FAM135A: variants seen among roughly 807,000 people sequenced by gnomAD.
FAM135A encodes family with sequence similarity 135 member A.
In FAM135A, 79 loss-of-function variants were observed where a neutral mutation model predicts 146.8. The ratio of observed to expected loss-of-function variants is 0.54; its 90% confidence interval spans 0.45 to 0.65. The LOEUF is 0.65. Among genes scored for constraint, FAM135A ranks in the 30% least tolerant of loss-of-function variants. The pLI is 0.00. For synonymous variants in FAM135A, 562 were observed against 603.6 expected (o/e 0.93, Z 1.01); for missense variants, 1,623 against 1,758.2 (o/e 0.92, Z 1.38).
chr6:70,416,833 T>G (rs1767677186), intron 2 of FAM135A, among the ~76,000 whole-genome samples: 1 of 152,124 alleles, frequency 6.6e-6, no homozygotes, highest in Non-Finnish European at 1.5e-5. Context: ...GACTCAGTGG[T>G]TTTTCAGAAA....
intron 12 of FAM135A, 123 bp downstream of exon 12, chr6:70,502,914 ATATTGT>A (rs1788901431): frequency 2.9e-6 from 3 of 1,032,256 alleles, no homozygotes; most frequent in South Asian, 3.9e-5. Flanking sequence ...GACATTTGTC[ATATTGT>A]TATTGTTTGA....
Position 70,548,514 on chromosome 6 carries a change from G to A in FAM135A, c.4229-8236G>A, listed in dbSNP as rs1276278422. Among the ~76,000 whole-genome samples the A allele has an allele frequency of 2.0e-5, 3 of 152,092 alleles. No individual in the cohort carries two copies. The South Asian group carries it at 6.2e-4, about 31-fold the overall frequency. On this transcript the variant is annotated intron_variant, in intron 20 of 21. Coordinates refer to ENST00000418814, the MANE Select transcript of FAM135A (RefSeq NM_001162529.3). ...TTTACTGATTTTGCCTGCTTCCACT[G>A]AGCTGCGTGAACATGAGGAGCCATA...
intron 21 of FAM135A, among the ~76,000 whole-genome samples, chr6:70,558,525 A>G (rs1196031906): frequency 3.3e-5 from 5 of 152,292 alleles, no homozygotes; most frequent in Non-Finnish European, 5.9e-5. Flanking sequence ...TTAGCTAAAC[A>G]TTGTTTGGGC....
At chr6:70,435,664 C>G (rs1021660084) in intron 4 of FAM135A, among the ~76,000 whole-genome samples, 1 of 152,128 alleles carries the variant, frequency 6.6e-6, no homozygotes, top group Non-Finnish European at 1.5e-5. Flanking sequence ...GGATTACAGG[C>G]ATGCGTCACC....
intron 5 of FAM135A, among the ~76,000 whole-genome samples, chr6:70,475,061 GT>G (rs1562484941): frequency 6.6e-6 from 1 of 152,072 alleles, no homozygotes; most frequent in African/African-American, 2.4e-5. Context: ...CTAGCAACCA[GT>G]ACAAAGGCCA....
Position 70,525,508 on chromosome 6 carries a change from G to T in FAM135A, c.2424G>T (p.Leu808Phe). 1 of 1,612,302 alleles carries T rather than the reference G, an allele frequency of 6.2e-7. No homozygotes were observed. The highest frequency in any genetic ancestry group is 1.1e-5 in the South Asian group (1 of 90,686). ...CNSERLFPQL[L>F]MKPDYNVKFS... Reference sequence around the variant, plus strand: ...GTGAAAGATTATTTCCTCAGCTTTTGATGAAACCTGATTATAATGTAAAAT... The same window carrying T: ...GTGAAAGATTATTTCCTCAGCTTTTTATGAAACCTGATTATAATGTAAAAT... Residue 808 changes from leucine to phenylalanine, a missense_variant, in exon 15 of 22, where the codon TTG (leucine) becomes TTT (phenylalanine). Physicochemically the swap from Leu to Phe is conservative, Grantham distance 22 (BLOSUM62 0). Coordinates refer to ENST00000418814, the MANE Select transcript of FAM135A (RefSeq NM_001162529.3).
chr6:70,528,189 C>T, intron 15 of FAM135A, 103 bp from the exon 16 acceptor site: 3 of 1,140,986 alleles, frequency 2.6e-6, no homozygotes, highest in Non-Finnish European at 2.4e-6. Flanking sequence ...GTTTTAAAAC[C>T]AAATATTGTT....
At chr6:70,527,856 C>A (rs925678898) in intron 15 of FAM135A, among the ~76,000 whole-genome samples, 1 of 152,114 alleles carries the variant, frequency 6.6e-6, no homozygotes, top group African/African-American at 2.4e-5. Context: ...CTCACTGTTA[C>A]ATTTTGTAAA....
At chr6:70,555,713 G>A (rs376777717) in intron 20 of FAM135A, among the ~76,000 whole-genome samples, 3 of 151,750 alleles carry the variant, frequency 2.0e-5, no homozygotes, top group African/African-American at 7.3e-5. Flanking sequence ...ATTGTGTCAC[G>A]AGATGTGAGA....
rs1401937391 is a variant in FAM135A at position 70,428,304 on chromosome 6, G to A, written c.-39G>A. ...GATTTTTTCCCTTTCCTTAACAAAGGTGCTGTTATCAGAATAGTCTTCTGG... is the reference window on the plus strand; with the variant it reads ...GATTTTTTCCCTTTCCTTAACAAAGATGCTGTTATCAGAATAGTCTTCTGG... On this transcript the variant is annotated splice_region_variant and 5_prime_UTR_variant, in exon 4 of 22. The change creates a new upstream start codon in the 5' untranslated region. Transcript: ENST00000418814. 7.1e-7 allele frequency: 1 copy of A among 1,406,270 alleles called. No homozygotes were observed. The allele number at this position is 1,406,270 out of a possible 1,614,324, so 87.1% of individuals were successfully genotyped here.
intron 5 of FAM135A, among the ~76,000 whole-genome samples, chr6:70,455,827 G>A (rs1250663138): frequency 1.3e-5 from 2 of 152,012 alleles, no homozygotes; most frequent in Non-Finnish European, 2.9e-5. Context: ...TTAAAGTTTC[G>A]AGAGAAATAA....
chr6:70,460,788 G>T (rs536207810), intron 5 of FAM135A, among the ~76,000 whole-genome samples: 8 of 150,684 alleles, frequency 5.3e-5, no homozygotes, highest in African/African-American at 1.5e-4. Context: ...TTTATCTATC[G>T]ATCTATCTAT....
intron 5 of FAM135A, among the ~76,000 whole-genome samples, chr6:70,456,524 A>G (rs1274393444): frequency 2.0e-5 from 3 of 152,232 alleles, no homozygotes; most frequent in Non-Finnish European, 4.4e-5. Context: ...AAGATTTTGA[A>G]TGTCAGAATT....
intron 5 of FAM135A, among the ~76,000 whole-genome samples, chr6:70,462,698 A>AT (rs1779656889): frequency 6.6e-6 from 1 of 151,616 alleles, no homozygotes; most frequent in Admixed American, 6.6e-5. Flanking sequence ...CTTGGATAAT[A>AT]TTTTTTGTGT....
chr6:70,432,077 G>A (rs1014619397), intron 4 of FAM135A, among the ~76,000 whole-genome samples: 1 of 151,914 alleles, frequency 6.6e-6, no homozygotes, highest in Non-Finnish European at 1.5e-5. Context: ...ATTTTAACAC[G>A]GTGTTGTGTA....
intron 1 of FAM135A, among the ~76,000 whole-genome samples, chr6:70,414,897 T>C (rs1299587054): frequency 6.6e-6 from 1 of 152,252 alleles, no homozygotes; most frequent in Non-Finnish European, 1.5e-5. Flanking sequence ...TTGGAAATTT[T>C]CTTGTCCTCC....
intron 16 of FAM135A, 95 bp downstream of exon 16, chr6:70,528,547 A>C: frequency 8.8e-7 from 1 of 1,140,170 alleles, no homozygotes; most frequent in Non-Finnish European, 1.2e-6. Context: ...AACTAAAAAA[A>C]GATTTTTTAA....
intron 4 of FAM135A, among the ~76,000 whole-genome samples, chr6:70,435,062 CGTGTGTGTGT>C (rs60366617): frequency 9.4e-5 from 12 of 126,994 alleles, no homozygotes; most frequent in African/African-American, 3.5e-4. Flanking sequence ...TATATATATA[CGTGTGTGTGT>C]GTGTGTGTGT....
intron 4 of FAM135A, among the ~76,000 whole-genome samples, chr6:70,443,757 A>G (rs1195711831): frequency 6.6e-6 from 1 of 150,518 alleles, no homozygotes; most frequent in Non-Finnish European, 1.5e-5. Flanking sequence ...CTTTTTTTTC[A>G]TCTTTCTATT....
Sources: allele counts gnomAD v4.1 joint callset (sites outside exome capture counted in the v4.1 genomes callset), GRCh38; gene constraint gnomAD v4.1.1; transcripts MANE v1.5; gene names NCBI Gene and HGNC (gene_info 2026-07-23, HGNC 2026-07-21).